Variants in KLHL4 observed in about 807,000 individuals in gnomAD.
KLHL4 encodes the protein kelch-like protein 4.
A neutral mutation model predicts 45.8 loss-of-function variants in KLHL4; 17 were observed. That is an observed-to-expected ratio of 0.37 (90% confidence interval 0.25 to 0.56). KLHL4 has a LOEUF of 0.56. Among genes scored for constraint, KLHL4 ranks in the 20% least tolerant of loss-of-function variants. The pLI, the probability that KLHL4 is intolerant of heterozygous loss-of-function variation, is 0.79. For missense variants in KLHL4, 544 were observed against 544.9 expected, an observed-to-expected ratio of 1.00 and a Z score of 0.02; for synonymous variants, 224 against 189.9, an observed-to-expected ratio of 1.18 and a Z score of -1.47.
intron 1 of KLHL4, among the ~76,000 whole-genome samples, chrX:87,541,255 G>C (rs1284782421): frequency 9.2e-6 from 1 of 109,193 alleles, no homozygotes; most frequent in Non-Finnish European, 1.9e-5. Context: ...GGGAGGCCGA[G>C]GGGGGTGGAT....
At chrX:87,642,058 G>C in intron 9 of KLHL4, among the ~76,000 whole-genome samples, 1 of 110,517 alleles carries the variant, frequency 9.0e-6, no homozygotes, top group Non-Finnish European at 1.9e-5. Context: ...TTTCTGGAAA[G>C]TGCCACCTCC....
At chrX:87,606,955 C>T (rs892018970) in intron 1 of KLHL4, among the ~76,000 whole-genome samples, 4 of 111,671 alleles carry the variant, frequency 3.6e-5, no homozygotes, top group Non-Finnish European at 7.5e-5. Flanking sequence ...TAAGAAATAA[C>T]ACTATTGGCT....
chrX:87,644,757 G>A (rs1242264389), intron 9 of KLHL4, among the ~76,000 whole-genome samples: 6 of 110,851 alleles, frequency 5.4e-5, no homozygotes, highest in Admixed American at 9.6e-5. Flanking sequence ...CTCAAATGCA[G>A]CCAACTGATC....
At chrX:87,521,263 G>A (rs2147759424) in intron 1 of KLHL4, among the ~76,000 whole-genome samples, 1 of 112,002 alleles carries the variant, frequency 8.9e-6, no homozygotes, top group Non-Finnish European at 1.9e-5. Context: ...AGTTTCAAGT[G>A]AGGTTTGCCT....
Position 87,618,035 on chromosome X carries a change from G to A in KLHL4, c.831G>A (p.Lys277=). Residue 277 remains lysine, a synonymous_variant, in exon 4 of 11, where the codon AAG becomes AAA. Transcript: ENST00000373119. The stretch of plus-strand genomic sequence containing the variant: ...ATGTTTGCTCCAATTTTCTCATAAA[G>A]CAGCTCCATCCTTCAAACTGCTTAG... ...VIDVCSNFLI[K]QLHPSNCLGI... is the part of the protein sequence containing the mutation. The A allele has an allele frequency of 8.3e-7, 1 of 1,211,120 alleles. No individual in the cohort carries two copies. Among genetic ancestry groups the A allele is most frequent in the East Asian group, 3.0e-5 (1 of 33,821 alleles).
At chrX:87,583,143 T>C (rs374729709) in intron 1 of KLHL4, among the ~76,000 whole-genome samples, 1 of 111,885 alleles carries the variant, frequency 8.9e-6, no homozygotes, top group African/African-American at 3.3e-5. Context: ...AGCTACAGGG[T>C]GTTAATTGGT....
chrX:87,662,279 CAATT>C (rs1169371516), intron 9 of KLHL4, among the ~76,000 whole-genome samples: 1 of 110,749 alleles, frequency 9.0e-6, no homozygotes, highest in African/African-American at 3.3e-5. Context: ...AAATATATAT[CAATT>C]AAAAAATTAA....
Position 87,625,630 on chromosome X carries a change from C to T in KLHL4, c.1158C>T (p.Thr386=). 1 of 1,205,135 alleles carries T rather than the reference C, an allele frequency of 8.3e-7. No individual in the cohort carries two copies. Among genetic ancestry groups the T allele is most frequent in the South Asian group, 1.8e-5 (1 of 55,764 alleles). The change falls in exon 6 of 11, where the codon ACC becomes ACT. Residue 386 remains threonine, a synonymous_variant. Transcript: ENST00000373119. ...TTCAGTTACTGGCAGATCTTGAAAC[C>T]AGTTCCATGTTTACTGGTGATCTTG... ...LPPQLLADLE[T]SSMFTGDLEC... is the part of the protein sequence containing the mutation.
At chrX:87,523,055 A>C (rs949344487) in intron 1 of KLHL4, among the ~76,000 whole-genome samples, 1 of 112,148 alleles carries the variant, frequency 8.9e-6, no homozygotes, top group Non-Finnish European at 1.9e-5. Flanking sequence ...GACATCATTT[A>C]ATTTTTGCAT....
chrX:87,665,033 C>T, intron 10 of KLHL4, 98 bp downstream of exon 10: 2 of 505,138 alleles, frequency 4.0e-6, no homozygotes, highest in Non-Finnish European at 6.3e-6. Flanking sequence ...TTCTCTAGGC[C>T]CTAACAAGAT....
chrX:87,599,763 T>C lies in KLHL4; in HGVS notation c.423-14114T>C, dbSNP rs568201604. The stretch of plus-strand genomic sequence containing the variant: ...TTAGATCACTGAGAGGGTGTGATTA[T>C]TTTAGTTCACCACTACTACCTCTCT... On this transcript the variant is annotated intron_variant, in intron 1 of 10. Transcript: ENST00000373119. Among the ~76,000 whole-genome samples the C allele has an allele frequency of 3.6e-3, 400 of 111,758 alleles. 4 individuals are homozygous for C. In the South Asian group the frequency reaches 0.05, roughly 14 times the overall value.
intron 3 of KLHL4, among the ~76,000 whole-genome samples, chrX:87,615,317 C>A (rs1053096407): frequency 9.0e-6 from 1 of 111,204 alleles, no homozygotes; most frequent in African/African-American, 3.3e-5. Context: ...AAATATTAAT[C>A]TTTTTATAAA....
chrX:87,644,836 T>C (rs7059091), intron 9 of KLHL4, among the ~76,000 whole-genome samples: 5,683 of 111,719 alleles, frequency 0.051, 365 homozygotes, highest in African/African-American at 0.17. Context: ...GCTGGGATTA[T>C]AGGCTAGCCA....
At chrX:87,627,310 C>T (rs182539172) in intron 6 of KLHL4, among the ~76,000 whole-genome samples, 9 of 109,541 alleles carry the variant, frequency 8.2e-5, no homozygotes, top group Non-Finnish European at 1.9e-5. Context: ...CTCAGAGCTA[C>T]ATCTTGAAAC....
At chrX:87,616,631 C>T (rs1243329667) in intron 3 of KLHL4, among the ~76,000 whole-genome samples, 1 of 111,867 alleles carries the variant, frequency 8.9e-6, no homozygotes, top group African/African-American at 3.2e-5. Flanking sequence ...GAATACTGTA[C>T]ACTGTAATAT....
chrX:87,546,250 C>T (rs906938760), intron 1 of KLHL4, among the ~76,000 whole-genome samples: 1 of 111,125 alleles, frequency 9.0e-6, no homozygotes, highest in African/African-American at 3.3e-5. Context: ...ATGGACTGGG[C>T]ACAGTGTCTT....
intron 1 of KLHL4, among the ~76,000 whole-genome samples, chrX:87,579,755 A>C (rs1028611006): frequency 3.6e-5 from 4 of 112,062 alleles, no homozygotes; most frequent in Non-Finnish European, 5.6e-5. Flanking sequence ...TAAATGAAGG[A>C]GAGATAAAGA....
intron 1 of KLHL4, among the ~76,000 whole-genome samples, chrX:87,560,842 C>A (rs1932081657): frequency 9.0e-6 from 1 of 111,291 alleles, no homozygotes; most frequent in Non-Finnish European, 1.9e-5. Flanking sequence ...TTTCTTTATT[C>A]AATTGTAGGT....
Position 87,667,447 on chromosome X carries a change from G to A in KLHL4, c.*913G>A, listed in dbSNP as rs1224578687. 1.4e-5 allele frequency: 10 copies of A among 690,337 alleles called. No homozygotes were observed. In the East Asian group the frequency reaches 1.1e-3, roughly 77 times the overall value. The allele number at this position is 690,337 out of a possible 1,213,427, so 56.9% of individuals were successfully genotyped here. On this transcript the variant is annotated 3_prime_UTR_variant, in exon 11 of 11. Coordinates refer to ENST00000373119, the MANE Select transcript of KLHL4 (RefSeq NM_019117.5). ...AATTTTTAAAGTACCTTAAAATTGA[G>A]GATGTTACTCAGTGTTAACACATGG... is the stretch of plus-strand genomic sequence containing the variant.
Sources: allele counts gnomAD v4.1 joint callset (sites outside exome capture counted in the v4.1 genomes callset), GRCh38; gene constraint gnomAD v4.1.1; transcripts MANE v1.5; gene names NCBI Gene and HGNC (gene_info 2026-07-23, HGNC 2026-07-21).